Variants in KIF6 observed in about 807,000 individuals in gnomAD.
KIF6 encodes kinesin-like protein KIF6.
A neutral mutation model predicts 112.7 loss-of-function variants in KIF6; 106 were observed. That is an observed-to-expected ratio of 0.94 (90% CI 0.80 to 1.11). The LOEUF (loss-of-function observed/expected upper bound fraction) is 1.11. KIF6 is among the 50% of genes least tolerant of loss of function. KIF6 has a pLI of 0.00. For missense variants in KIF6, 929 were observed against 964.0 expected (o/e 0.96, Z 0.48); for synonymous variants, 339 against 339.9 (o/e 1.00, Z 0.03).
chr6:39,664,590 C>G (rs1786351005), intron 3 of KIF6, among the ~76,000 whole-genome samples: 1 of 152,022 alleles, frequency 6.6e-6, no homozygotes, highest in Non-Finnish European at 1.5e-5. Context: ...TGGGTGGGAG[C>G]AAGATTTAAT....
At chr6:39,562,187 C>T (rs1261900090) in intron 10 of KIF6, among the ~76,000 whole-genome samples, 1 of 152,148 alleles carries the variant, frequency 6.6e-6, no homozygotes, top group African/African-American at 2.4e-5. Context: ...GCTGTGGTTA[C>T]TTCTACATAA....
rs965573302 is a variant in KIF6, at chr6:39,356,715, C to T, written c.2180+562G>A. On this transcript the variant is annotated intron_variant, in intron 19 of 22. Transcript: ENST00000287152. ...GCATCAGATGGACAATGGCAGGAGG[C>T]GTGCTTCCTCGGTGCTACCCCCTGG... 5.9e-5 allele frequency among the ~76,000 whole-genome samples: 9 copies of T among 152,180 alleles called. No individual in the cohort carries two copies. In the South Asian group the frequency reaches 8.3e-4, roughly 14 times the overall value.
At chr6:39,383,849 T>A (rs1167423637) in intron 16 of KIF6, among the ~76,000 whole-genome samples, 1 of 152,238 alleles carries the variant, frequency 6.6e-6, no homozygotes, top group Non-Finnish European at 1.5e-5. Context: ...TTTACAGGTG[T>A]CCTCATAGAG....
chr6:39,407,505 A>C (rs1295349854), intron 15 of KIF6, among the ~76,000 whole-genome samples: 1 of 152,230 alleles, frequency 6.6e-6, no homozygotes, highest in East Asian at 1.9e-4. Context: ...GTTCTGCTAC[A>C]TTCCAGTTAT....
chr6:39,570,695 T>G (rs1434153590), intron 10 of KIF6, among the ~76,000 whole-genome samples: 1 of 152,026 alleles, frequency 6.6e-6, no homozygotes, highest in African/African-American at 2.4e-5. Flanking sequence ...ATGAGTAAGT[T>G]CTCACGAGAT....
chr6:39,524,961 T>C (rs1373811162), intron 13 of KIF6, among the ~76,000 whole-genome samples: 1 of 152,200 alleles, frequency 6.6e-6, no homozygotes, highest in Non-Finnish European at 1.5e-5. Flanking sequence ...GAAAATTATC[T>C]GTGTTCTGAC....
chr6:39,393,112 G>A (rs1046644857), intron 15 of KIF6, among the ~76,000 whole-genome samples: 5 of 152,174 alleles, frequency 3.3e-5, no homozygotes, highest in Non-Finnish European at 5.9e-5. Flanking sequence ...GATAGTGGAG[G>A]GAAACAACTG....
chr6:39,570,764 C>G (rs973217830), intron 10 of KIF6, among the ~76,000 whole-genome samples: 5 of 152,090 alleles, frequency 3.3e-5, no homozygotes, highest in African/African-American at 1.2e-4. Flanking sequence ...ATCCTGCCAC[C>G]CCATGAAGAA....
chr6:39,659,750 A>C (rs965065976), intron 3 of KIF6, among the ~76,000 whole-genome samples: 2 of 152,202 alleles, frequency 1.3e-5, no homozygotes, highest in Non-Finnish European at 2.9e-5. Flanking sequence ...AGGCCTTCCC[A>C]GCAAAAGCAG....
At chr6:39,391,542 C>T (rs1412835436) in intron 15 of KIF6, among the ~76,000 whole-genome samples, 4 of 152,156 alleles carry the variant, frequency 2.6e-5, no homozygotes, top group Non-Finnish European at 4.4e-5. Context: ...AGCAGTCACT[C>T]CAAATTGTCT....
At position 39,629,497 on chromosome 6, in the gene KIF6, C is replaced by T. The variant is rs749696561; in HGVS notation, c.509+5352G>A. ...CGAAGTGGCTATTCAGATCTTTTGCCCATTTTAAAAATTTGGGCATTTATT... is the reference window on the plus strand; with the variant it reads ...CGAAGTGGCTATTCAGATCTTTTGCTCATTTTAAAAATTTGGGCATTTATT... On this transcript the variant is annotated intron_variant, in intron 5 of 22. Coordinates refer to ENST00000287152, the MANE Select transcript of KIF6 (RefSeq NM_145027.6). Among the ~76,000 whole-genome samples, 23 of 151,972 alleles carry T rather than the reference C, an allele frequency of 1.5e-4. 1 individual carries two copies. The highest frequency in any genetic ancestry group is 6.8e-3 in the Middle Eastern group (2 of 294).
intron 15 of KIF6, among the ~76,000 whole-genome samples, chr6:39,400,721 T>C (rs1262266327): frequency 6.6e-6 from 1 of 152,200 alleles, no homozygotes; most frequent in Non-Finnish European, 1.5e-5. Flanking sequence ...CTCTGGCCTG[T>C]CACTGGAAAC....
chr6:39,356,659 G>A (rs537849807), intron 19 of KIF6, among the ~76,000 whole-genome samples: 7 of 152,308 alleles, frequency 4.6e-5, no homozygotes, highest in South Asian at 4.1e-4. Context: ...TGGCAGAGAC[G>A]GAGGCCCCAC....
At chr6:39,682,869 C>T (rs1269018284) in intron 3 of KIF6, among the ~76,000 whole-genome samples, 1 of 31,174 alleles carries the variant, frequency 3.2e-5, no homozygotes, top group African/African-American at 5.6e-5. Context: ...TGAGCCACCG[C>T]GCCAGCGTGA....
At chr6:39,368,887 G>A (rs895047630) in intron 16 of KIF6, among the ~76,000 whole-genome samples, 3 of 152,242 alleles carry the variant, frequency 2.0e-5, no homozygotes, top group Admixed American at 6.5e-5. Flanking sequence ...AGTGCCCTGC[G>A]TGGGAAGGGG....
chr6:39,392,571 A>C (rs1767976613), intron 15 of KIF6, among the ~76,000 whole-genome samples: 2 of 152,280 alleles, frequency 1.3e-5, no homozygotes, highest in Non-Finnish European at 2.9e-5. Context: ...AAATGATACA[A>C]GAATAGGTGG....
chr6:39,601,340 C>T (rs1191505784), intron 6 of KIF6, among the ~76,000 whole-genome samples: 1 of 152,084 alleles, frequency 6.6e-6, no homozygotes, highest in Non-Finnish European at 1.5e-5. Context: ...TCAGTATTTA[C>T]TCTTGTCCCT....
At chr6:39,466,963 G>C (rs555077889) in intron 13 of KIF6, among the ~76,000 whole-genome samples, 1 of 152,334 alleles carries the variant, frequency 6.6e-6, no homozygotes, top group African/African-American at 2.4e-5. Flanking sequence ...TCATAAAGCA[G>C]GGTGTTGCTT....
At chr6:39,606,241 T>C (rs1299410489) in intron 6 of KIF6, among the ~76,000 whole-genome samples, 1 of 152,052 alleles carries the variant, frequency 6.6e-6, no homozygotes, top group Non-Finnish European at 1.5e-5. Context: ...TTTCTGAAGT[T>C]TTTCAAGTTT....
Sources: gnomAD v4.1 joint callset for allele counts (sites outside exome capture counted in the v4.1 genomes callset) on GRCh38, gnomAD v4.1.1 for gene constraint, MANE v1.5 for transcripts, NCBI Gene and HGNC (gene_info 2026-07-23, HGNC 2026-07-21) for gene names.